GPRIN2: variants seen among roughly 807,000 people sequenced by gnomAD.
GPRIN2 encodes G protein regulated inducer of neurite outgrowth 2.
GPRIN2 carries 1 observed loss-of-function variant against 0.3 expected under a neutral mutation model. The ratio of observed to expected loss-of-function variants is 3.90; its 90% confidence interval spans 1.39 to 18.51. The LOEUF (loss-of-function observed/expected upper bound fraction) is 18.51, where lower values mean the gene tolerates loss of function less well. Among genes scored for constraint, GPRIN2 ranks in the 30% most tolerant of loss-of-function variants. The probability of loss-of-function intolerance (pLI) is 0.11; values close to 1 mark genes in which losing one functional copy is unlikely to be tolerated. For missense variants in GPRIN2, 880 were observed against 604.2 expected (o/e 1.46, Z -4.79); for synonymous variants, 361 against 258.6 (o/e 1.40, Z -3.80).
intron 1 of GPRIN2, among the ~76,000 whole-genome samples, chr10:46,556,181 G>A (rs1226198954): frequency 2.0e-5 from 3 of 152,310 alleles, no homozygotes; most frequent in Non-Finnish European, 4.4e-5. Context: ...GCTGAGGGAG[G>A]GGAAAAGGAA....
At position 46,548,963 on chromosome 10, in the gene GPRIN2, C is replaced by T. The variant is rs1402283410; in HGVS notation, c.*397G>A. 97 of 247,538 alleles carry T rather than the reference C, an allele frequency of 3.9e-4. No homozygotes were observed. Among genetic ancestry groups the T allele is most frequent in the Non-Finnish European group, 1.0e-4 (13 of 128,542 alleles). 15.3% of individuals were successfully genotyped at this position (247,538 alleles called of 1,614,324 possible). A position where few individuals can be genotyped will look rare whatever the true frequency, so the allele number is the denominator to read the frequency against. On this transcript the variant is annotated 3_prime_UTR_variant, in exon 3 of 3. Coordinates refer to ENST00000374314, the MANE Select transcript of GPRIN2 (RefSeq NM_001385282.1). ...GTCACTGGGGCCTCACATTTCATGTCGAGAATTCACTATTTCTCAGCACTG... is the reference window on the plus strand; with the variant it reads ...GTCACTGGGGCCTCACATTTCATGTTGAGAATTCACTATTTCTCAGCACTG...
At position 46,546,614 on chromosome 10, in the gene GPRIN2, G is replaced by A. The variant is rs1369495712; in HGVS notation, c.*2746C>T. Among the ~76,000 whole-genome samples the A allele has an allele frequency of 6.6e-6, 1 of 152,310 alleles. No individual in the cohort carries two copies. The highest frequency in any genetic ancestry group is 2.4e-5 in the African/African-American group (1 of 41,488). On this transcript the variant is annotated 3_prime_UTR_variant, in exon 3 of 3. Coordinates refer to ENST00000374314, the MANE Select transcript of GPRIN2 (RefSeq NM_001385282.1). ...CCAGAAATCTAGAGTCCAAGGGGAG[G>A]AGATCTGTAAACTAAACCGCTGGCC...
In GPRIN2 at chr10:46,546,572, G is replaced by A. The variant is rs1588954427; in HGVS notation, c.*2788C>T. On this transcript the variant is annotated 3_prime_UTR_variant, in exon 3 of 3. Coordinates refer to ENST00000374314, the MANE Select transcript of GPRIN2 (RefSeq NM_001385282.1). ...CACCTCCCAGAGCAGGGCCTGAAAG[G>A]GACCCAGAAAGTCTGGCCAGAAATC... Among the ~76,000 whole-genome samples the A allele has an allele frequency of 1.3e-5, 2 of 152,310 alleles. No homozygotes were observed. Among genetic ancestry groups the A allele is most frequent in the South Asian group, 2.1e-4 (1 of 4,838 alleles).
rs918096800 is a variant in GPRIN2 at position 46,543,784 on chromosome 10, C to T, written c.*5576G>A. ...CACTTGGGGAGCTCGTATTTTGGGG[C>T]CAGACCTTCCTCCTTGCTGGGCTAT... is the stretch of plus-strand genomic sequence containing the variant. On this transcript the variant is annotated 3_prime_UTR_variant, in exon 3 of 3. Transcript: ENST00000374314. Among the ~76,000 whole-genome samples, 4 of 152,308 alleles carry T rather than the reference C, an allele frequency of 2.6e-5. No homozygotes were observed. The highest frequency in any genetic ancestry group is 5.9e-5 in the Non-Finnish European group (4 of 68,058).
In GPRIN2 at chr10:46,549,675, C is replaced by T; in HGVS notation, c.1062G>A (p.Leu354=). ...ACKAVATSPS[L]EAPAALHVFP... is the part of the protein sequence containing the mutation. ...ACACATGCAGGGCTGCAGGCGCTTC[C>T]AGGGACGGACTGGTGGCCACAGCCT... The change falls in exon 3 of 3, where the codon CTG becomes CTA. Residue 354 remains leucine (L), a synonymous_variant. Coordinates refer to ENST00000374314, the MANE Select transcript of GPRIN2 (RefSeq NM_001385282.1). 2 of 1,614,146 alleles carry T rather than the reference C, an allele frequency of 1.2e-6. No individual in the cohort carries two copies. Among genetic ancestry groups the T allele is most frequent in the Non-Finnish European group, 1.7e-6 (2 of 1,179,964 alleles).
chr10:46,553,879 T>C (rs1264158082), intron 2 of GPRIN2, among the ~76,000 whole-genome samples: 1 of 152,284 alleles, frequency 6.6e-6, no homozygotes, highest in Non-Finnish European at 1.5e-5. Flanking sequence ...CTGAGGGGAG[T>C]ACTGGGGGAA....
rs956686813 is a variant in GPRIN2, at chr10:46,542,441, C to T, written c.*6919G>A. ...CATGCTGTTCTTGTGATAGTAAGTT[C>T]TCACGAGATCTGATGGTTTTATAAG... On this transcript the variant is annotated 3_prime_UTR_variant, in exon 3 of 3. Transcript: ENST00000374314. 3.9e-5 allele frequency among the ~76,000 whole-genome samples: 6 copies of T among 152,312 alleles called. No individual in the cohort carries two copies. The highest frequency in any genetic ancestry group is 1.4e-4 in the African/African-American group (6 of 41,488).
intron 2 of GPRIN2, among the ~76,000 whole-genome samples, chr10:46,551,115 C>T (rs984987816): frequency 1.3e-5 from 2 of 152,294 alleles, no homozygotes; most frequent in African/African-American, 4.8e-5. Flanking sequence ...GAAACTGCAG[C>T]CCTAGGGGGT....
In GPRIN2 at chr10:46,549,309, G is replaced by C. The variant is rs1245418213; in HGVS notation, c.*51C>G. The C allele has an allele frequency of 6.9e-7, 1 of 1,450,886 alleles. No individual in the cohort carries two copies. Among genetic ancestry groups the C allele is most frequent in the Non-Finnish European group, 9.1e-7 (1 of 1,101,688 alleles). The allele number at this position is 1,450,886 out of a possible 1,614,324, so 89.9% of individuals were successfully genotyped here. On this transcript the variant is annotated 3_prime_UTR_variant, in exon 3 of 3. Transcript: ENST00000374314. ...CGGAGCCCCCACCGTCCCTGGCCCAGGTCTAGGACTAAGTCAGTGGGCCCA... is the reference window on the plus strand; with the variant it reads ...CGGAGCCCCCACCGTCCCTGGCCCACGTCTAGGACTAAGTCAGTGGGCCCA...
intron 2 of GPRIN2, 80 bp from the exon 3 acceptor site, chr10:46,550,822 T>A: frequency 7.0e-7 from 1 of 1,427,492 alleles, no homozygotes; most frequent in South Asian, 1.7e-5. Flanking sequence ...ACTCCCACAG[T>A]GCTAGGTTCA....
intron 2 of GPRIN2, among the ~76,000 whole-genome samples, chr10:46,551,143 G>T (rs1832212630): frequency 2.1e-3 from 320 of 152,192 alleles, no homozygotes; most frequent in African/African-American, 7.4e-3. Context: ...TGGGATAACA[G>T]CTCTTGGTCA....
rs1014115457 is a variant in GPRIN2 at position 46,542,982 on chromosome 10, G to A, written c.*6378C>T. ...GGCCACCAAAAGTTAGGACTGATGG[G>A]GTGCCCTTCCAGCCCGACCAAAGTC... is the stretch of plus-strand genomic sequence containing the variant. On this transcript the variant is annotated 3_prime_UTR_variant, in exon 3 of 3. Transcript: ENST00000374314. Among the ~76,000 whole-genome samples the A allele has an allele frequency of 2.6e-5, 4 of 152,306 alleles. No individual in the cohort carries two copies. The highest frequency in any genetic ancestry group is 5.9e-5 in the Non-Finnish European group (4 of 68,054).
In GPRIN2 at chr10:46,556,488, A is replaced by G. The variant is rs1831820859; in HGVS notation, c.-118+10T>C. ...CGCCCCAACGGGAGCGCGCGGAGCC[A>G]GCCTCTCACCCTCTCGCCCGCCGGG... On this transcript the variant is annotated intron_variant, in intron 1 of 2. Coordinates refer to ENST00000374314, the MANE Select transcript of GPRIN2 (RefSeq NM_001385282.1). Among the ~76,000 whole-genome samples, 150,445 of 152,342 alleles carry G rather than the reference A, an allele frequency of 0.99. 74,274 individuals are homozygous for G. The highest frequency in any genetic ancestry group is 1 in the East Asian group (5,190 of 5,190).
rs1487367646 is a variant in GPRIN2 at position 46,543,825 on chromosome 10, G to T, written c.*5535C>A. Among the ~76,000 whole-genome samples, 2 of 152,312 alleles carry T rather than the reference G, an allele frequency of 1.3e-5. No homozygotes were observed. The highest frequency in any genetic ancestry group is 3.8e-4 in the East Asian group (2 of 5,208). On this transcript the variant is annotated 3_prime_UTR_variant, in exon 3 of 3. Coordinates refer to ENST00000374314, the MANE Select transcript of GPRIN2 (RefSeq NM_001385282.1). The stretch of plus-strand genomic sequence containing the variant: ...GCTGGGCTATCTCGGGCTTGGAGTG[G>T]GAGAAGCCAGGCAGGAGTCCTGGAG...
At position 46,549,316 on chromosome 10, in the gene GPRIN2, G is replaced by T; in HGVS notation, c.*44C>A. ...CCCACCGTCCCTGGCCCAGGTCTAG[G>T]ACTAAGTCAGTGGGCCCAGGCCAGC... On this transcript the variant is annotated 3_prime_UTR_variant, in exon 3 of 3. Transcript: ENST00000374314. 6.9e-7 allele frequency: 1 copy of T among 1,455,164 alleles called. No homozygotes were observed. Among genetic ancestry groups the T allele is most frequent in the African/African-American group, 1.4e-5 (1 of 69,816 alleles). The allele number at this position is 1,455,164 out of a possible 1,614,324, so 90.1% of individuals were successfully genotyped here. A position where few individuals can be genotyped will look rare whatever the true frequency, so the allele number is the denominator to read the frequency against.
At position 46,550,672 on chromosome 10, in the gene GPRIN2, G is replaced by A. The variant is rs1832286837; in HGVS notation, c.65C>T (p.Ser22Phe). The stretch of plus-strand genomic sequence containing the variant: ...ACCCAGCAGGCTGGAAGAGCTCTGG[G>A]ACAGGGGCTGAAGGCGGGGGCTCAG... The part of the protein sequence containing the change: ...APLSPRLQPL[S>F]QSSSSLLGEG... The change falls in exon 3 of 3, where the codon TCC becomes TTC. Residue 22 changes from serine to phenylalanine, a missense_variant. Coordinates refer to ENST00000374314, the MANE Select transcript of GPRIN2 (RefSeq NM_001385282.1). 3 of 1,529,850 alleles carry A rather than the reference G, an allele frequency of 2.0e-6. No homozygotes were observed. The highest frequency in any genetic ancestry group is 1.4e-5 in the African/African-American group (1 of 72,216). 94.8% of individuals were successfully genotyped at this position (1,529,850 alleles called of 1,614,324 possible).
rs1832777077 is a variant in GPRIN2 at position 46,548,922 on chromosome 10, G to C, written c.*438C>G. 48 of 191,956 alleles carry C rather than the reference G, an allele frequency of 2.5e-4. No individual in the cohort carries two copies. Among genetic ancestry groups the C allele is most frequent in the Non-Finnish European group, 2.8e-4 (27 of 95,186 alleles). The allele number at this position is 191,956 out of a possible 1,614,324, so 11.9% of individuals were successfully genotyped here. A position where few individuals can be genotyped will look rare whatever the true frequency, so the allele number is the denominator to read the frequency against. On this transcript the variant is annotated 3_prime_UTR_variant, in exon 3 of 3. Coordinates refer to ENST00000374314, the MANE Select transcript of GPRIN2 (RefSeq NM_001385282.1). Reference sequence around the variant, plus strand: ...GATAACATCAGTCCCCTTCCCTAAAGACCTGGGCAGTCCCTGTCACTGGGG... The same window carrying C: ...GATAACATCAGTCCCCTTCCCTAAACACCTGGGCAGTCCCTGTCACTGGGG...
rs1832408576 is a variant in GPRIN2 at position 46,550,327 on chromosome 10, C to T, written c.410G>A (p.Arg137Gln). Residue 137 changes from arginine (R) to glutamine (Q), a missense_variant, in exon 3 of 3, where the codon CGG (arginine) becomes CAG (glutamine). By Grantham distance (43) the Arg-to-Gln change is conservative. Coordinates refer to ENST00000374314, the MANE Select transcript of GPRIN2 (RefSeq NM_001385282.1). ...STQMRGHSGARKASLSCSALG... is the reference protein window; with the variant it reads ...STQMRGHSGAQKASLSCSALG... ...GGCTGAGCAGCTGAGACTGGCCTTC[C>T]GAGCACCACTGTGTCCCCGCATCTG... The T allele has an allele frequency of 8.1e-5, 131 of 1,612,964 alleles. No individual in the cohort carries two copies. The highest frequency in any genetic ancestry group is 5.1e-4 in the East Asian group (23 of 44,892).
intron 2 of GPRIN2, among the ~76,000 whole-genome samples, chr10:46,553,124 A>G (rs1842798427): frequency 6.6e-6 from 1 of 152,308 alleles, no homozygotes. Context: ...AGAATTCCAT[A>G]AGCTCAGAGA....
Sources: gnomAD v4.1 joint callset for allele counts (sites outside exome capture counted in the v4.1 genomes callset) on GRCh38, gnomAD v4.1.1 for gene constraint, MANE v1.5 for transcripts, NCBI Gene and HGNC (gene_info 2026-07-23, HGNC 2026-07-21) for gene names.